MTA3: variants seen among roughly 807,000 people sequenced by gnomAD.
MTA3 encodes metastasis-associated protein MTA3.
MTA3 carries 34 observed loss-of-function variants against 83.5 expected under a neutral mutation model. The ratio of observed to expected loss-of-function variants is 0.41; its 90% CI spans 0.31 to 0.54. The LOEUF is 0.54. MTA3 is among the 20% of genes least tolerant of loss of function. The probability of loss-of-function intolerance (pLI) is 0.33; values close to 1 mark genes in which losing one functional copy is unlikely to be tolerated. For missense variants in MTA3, 761 were observed against 726.4 expected (o/e 1.05, Z -0.55); for synonymous variants, 303 against 252.7 (o/e 1.20, Z -1.89).
chr2:42,756,101 G>T lies in MTA3; in HGVS notation c.*2702G>T. 1 of 825,646 alleles carries T rather than the reference G, an allele frequency of 1.2e-6. No individual in the cohort carries two copies. Among genetic ancestry groups the T allele is most frequent in the Non-Finnish European group, 1.5e-6 (1 of 683,826 alleles). The allele number at this position is 825,646 out of a possible 1,614,324, so 51.1% of individuals were successfully genotyped here. A position where few individuals can be genotyped will look rare whatever the true frequency, so the allele number is the denominator to read the frequency against. ...CAAGAAAAGCTGAGAGGCAAAACAG[G>T]GGAGTGAGGGGCAACCCAGAGGTGG... On this transcript the variant is annotated 3_prime_UTR_variant, in exon 17 of 17. Coordinates refer to ENST00000405094, the MANE Select transcript of MTA3 (RefSeq NM_001330442.2).
intron 14 of MTA3, among the ~76,000 whole-genome samples, chr2:42,716,032 C>G (rs777570115): frequency 6.6e-6 from 1 of 152,186 alleles, no homozygotes; most frequent in South Asian, 2.1e-4. Context: ...GCGTTTGATC[C>G]TTACAGGCTT....
At chr2:42,745,267 A>G (rs1669325515) in intron 16 of MTA3, among the ~76,000 whole-genome samples, 2 of 152,234 alleles carry the variant, frequency 1.3e-5, no homozygotes, top group Non-Finnish European at 2.9e-5. Context: ...GAAGAGACCT[A>G]AGAAGACCCT....
intron 8 of MTA3, among the ~76,000 whole-genome samples, chr2:42,678,500 G>T (rs957025486): frequency 2.0e-5 from 3 of 151,988 alleles, no homozygotes; most frequent in African/African-American, 7.2e-5. Flanking sequence ...ACCACACCCA[G>T]CTAATTTTTG....
intron 3 of MTA3, among the ~76,000 whole-genome samples, chr2:42,586,950 G>C (rs1401068766): frequency 1.3e-5 from 2 of 152,162 alleles, no homozygotes; most frequent in African/African-American, 4.8e-5. Context: ...TTGAACCCGG[G>C]AGGTGGAGGT....
intron 2 of MTA3, among the ~76,000 whole-genome samples, chr2:42,573,921 C>G (rs1489044500): frequency 6.6e-6 from 1 of 152,090 alleles, no homozygotes; most frequent in Non-Finnish European, 1.5e-5. Context: ...TGGGTTCACA[C>G]CATTCTCCTG....
At chr2:42,707,697 C>T (rs1666225884) in intron 12 of MTA3, among the ~76,000 whole-genome samples, 1 of 152,040 alleles carries the variant, frequency 6.6e-6, no homozygotes, top group African/African-American at 2.4e-5. Flanking sequence ...GGGCCACAAG[C>T]ACTTTATATA....
rs1287304341 is a variant in MTA3 at position 42,569,209 on chromosome 2, G to A, written c.28+436G>A. Among the ~76,000 whole-genome samples, 8 of 150,322 alleles carry A rather than the reference G, an allele frequency of 5.3e-5. No homozygotes were observed. In the East Asian group the frequency reaches 1.6e-3, roughly 30 times the overall value. ...AGCCTGGGGTGGGGGTGGGGGTGGG[G>A]GCGGTGGGGGCCCAGCCAGGGGCCC... On this transcript the variant is annotated intron_variant, in intron 1 of 16. Transcript: ENST00000405094.
At chr2:42,586,477 AACACACACACACACACACACAC>A (rs573814961) in intron 3 of MTA3, among the ~76,000 whole-genome samples, 1 of 72,698 alleles carries the variant, frequency 1.4e-5, no homozygotes, top group African/African-American at 6.0e-5. Flanking sequence ...AAGGAAGGAA[AACACACACACACACACACACAC>A]ACACACACAC....
intron 8 of MTA3, among the ~76,000 whole-genome samples, chr2:42,680,761 CT>C (rs1485100925): frequency 6.6e-6 from 1 of 152,102 alleles, no homozygotes; most frequent in Non-Finnish European, 1.5e-5. Flanking sequence ...AAAATGCCTT[CT>C]TTTTTAAAAA....
intron 2 of MTA3, among the ~76,000 whole-genome samples, chr2:42,547,224 A>C (rs553542031): frequency 3.3e-5 from 5 of 152,364 alleles, no homozygotes; most frequent in African/African-American, 9.6e-5. Context: ...GCAGATTCAG[A>C]GACTCCAGCC....
rs555200621 is a variant in MTA3, at chr2:42,506,508, T to A, written c.-141+11254T>A. Reference sequence around the variant, plus strand: ...AAAATAAAATGTTAACACCTTGGACTTCATTTAAGCTTATTTTTGAATGCC... The same window carrying A: ...AAAATAAAATGTTAACACCTTGGACATCATTTAAGCTTATTTTTGAATGCC... On this transcript the variant is annotated intron_variant, in intron 2 of 17. Transcript: ENST00000405592. 3.3e-5 allele frequency among the ~76,000 whole-genome samples: 5 copies of A among 152,132 alleles called. No homozygotes were observed. The South Asian group carries it at 1.0e-3, about 32-fold the overall frequency.
At chr2:42,744,976 A>G (rs543892514) in intron 16 of MTA3, among the ~76,000 whole-genome samples, 1 of 152,152 alleles carries the variant, frequency 6.6e-6, no homozygotes, top group Admixed American at 6.5e-5. Context: ...TTGATTTGGA[A>G]ACCTCCACTG....
chr2:42,633,879 ACT>A (rs1686932443), intron 4 of MTA3, among the ~76,000 whole-genome samples: 2 of 150,506 alleles, frequency 1.3e-5, no homozygotes, highest in African/African-American at 4.9e-5. Context: ...ACAGAGCGAG[ACT>A]CTGTCTCAAA....
intron 8 of MTA3, among the ~76,000 whole-genome samples, chr2:42,667,631 G>GTGTGT (rs1558562556): frequency 6.0e-5 from 7 of 116,774 alleles, no homozygotes; most frequent in Non-Finnish European, 1.1e-4. Flanking sequence ...AAGAGAGAGA[G>GTGTGT]AGAGAGAGAG....
At chr2:42,561,923 C>T (rs1056453494) in intron 2 of MTA3, among the ~76,000 whole-genome samples, 6 of 152,112 alleles carry the variant, frequency 3.9e-5, no homozygotes, top group Non-Finnish European at 8.8e-5. Flanking sequence ...CAAATTACAA[C>T]AAATTGGGTA....
chr2:42,608,305 T>A (rs1683752660), intron 3 of MTA3, among the ~76,000 whole-genome samples: 1 of 152,230 alleles, frequency 6.6e-6, no homozygotes. Context: ...AGCAGCAACT[T>A]TATCAATCTT....
At chr2:42,671,570 A>G (rs892482967) in intron 8 of MTA3, among the ~76,000 whole-genome samples, 4 of 152,176 alleles carry the variant, frequency 2.6e-5, no homozygotes, top group African/African-American at 9.7e-5. Context: ...AACATACAAG[A>G]TTGTGAATGT....
chr2:42,697,153 G>T (rs919679888), intron 10 of MTA3, among the ~76,000 whole-genome samples: 1 of 151,958 alleles, frequency 6.6e-6, no homozygotes, highest in Non-Finnish European at 1.5e-5. Context: ...TTATCATGTT[G>T]GTCAGTGTCT....
intron 9 of MTA3, among the ~76,000 whole-genome samples, chr2:42,683,595 G>C (rs1477257957): frequency 6.6e-6 from 1 of 152,142 alleles, no homozygotes; most frequent in Admixed American, 6.5e-5. Context: ...AGACCTCTGA[G>C]CTTGTTTTTC....
Sources: allele counts gnomAD v4.1 joint callset (sites outside exome capture counted in the v4.1 genomes callset), GRCh38; gene constraint gnomAD v4.1.1; transcripts MANE v1.5; gene names NCBI Gene and HGNC (gene_info 2026-07-23, HGNC 2026-07-21).